Variants in OVCH1 observed in about 807,000 individuals in gnomAD.
OVCH1 encodes ovochymase-1.
Under a neutral mutation model 138.4 loss-of-function variants are expected in OVCH1, and 139 were observed. The observed-to-expected ratio is 1.00, with a 90% CI of 0.87 to 1.16. The LOEUF is 1.16. Ranked by LOEUF, OVCH1 falls within the 50% of genes most tolerant of loss-of-function variation. The pLI is 0.00. For synonymous variants in OVCH1, 453 were observed against 467.8 expected, an observed-to-expected ratio of 0.97 and a Z score of 0.41; for missense variants, 1,367 against 1,357.9, an observed-to-expected ratio of 1.01 and a Z score of -0.11.
At position 29,463,368 on chromosome 12, in the gene OVCH1, T is replaced by C. The variant is rs143833034; in HGVS notation, c.2125+1139A>G. Among the ~76,000 whole-genome samples the C allele has an allele frequency of 2.2e-3, 338 of 152,056 alleles. 5 individuals are homozygous for C. Among genetic ancestry groups the C allele is most frequent in the African/African-American group, 7.2e-3 (298 of 41,484 alleles). ...AGCTGTGACAAGATTGTAATAAGAG[T>C]GTTCCAAGTAGGAGGACACAAAATG... On this transcript the variant is annotated intron_variant, in intron 18 of 27. Transcript: ENST00000318184.
chr12:29,449,609 A>G (rs1163891248), intron 22 of OVCH1, among the ~76,000 whole-genome samples: 1 of 152,006 alleles, frequency 6.6e-6, no homozygotes, highest in Non-Finnish European at 1.5e-5. Context: ...TAGGTATTTT[A>G]TTATCTTTAT....
At chr12:29,433,683 C>T (rs1555142355) in intron 27 of OVCH1, 1 of 1,366,916 alleles carries the variant, frequency 7.3e-7, no homozygotes, top group Non-Finnish European at 9.7e-7. Context: ...TGTTGGTGGT[C>T]TGAATAATTC....
chr12:29,495,169 G>T, intron 4 of OVCH1, 116 bp downstream of exon 4: 5 of 1,058,298 alleles, frequency 4.7e-6, no homozygotes, highest in Non-Finnish European at 6.8e-6. Flanking sequence ...ATTTTAAAAA[G>T]AAACAAAGCT....
chr12:29,461,697 A>T, intron 19 of OVCH1, 157 bp downstream of exon 19: 1 of 945,004 alleles, frequency 1.1e-6, no homozygotes, highest in African/African-American at 1.6e-5. Flanking sequence ...GGATTAATTA[A>T]CTTATTACTT....
At chr12:29,475,775 G>A (rs1407336148) in intron 13 of OVCH1, among the ~76,000 whole-genome samples, 1 of 152,154 alleles carries the variant, frequency 6.6e-6, no homozygotes, top group Non-Finnish European at 1.5e-5. Context: ...AAATTGTTAG[G>A]TCACGATTAA....
At chr12:29,430,360 C>T (rs546480791) in intron 27 of OVCH1, among the ~76,000 whole-genome samples, 39 of 152,274 alleles carry the variant, frequency 2.6e-4, no homozygotes, top group South Asian at 8.3e-4. Flanking sequence ...AGGTGATAGG[C>T]GGGCCCCTAG....
At chr12:29,460,980 A>G (rs12812922) in intron 19 of OVCH1, among the ~76,000 whole-genome samples, 47,166 of 152,052 alleles carry the variant, frequency 0.31, 8,764 homozygotes, top group Middle Eastern at 0.52. Context: ...CCTCTCTCAT[A>G]TTTTCACATG....
intron 2 of OVCH1, 130 bp downstream of exon 2, chr12:29,496,426 T>G (rs1943418508): frequency 9.7e-6 from 11 of 1,136,128 alleles, no homozygotes; most frequent in Non-Finnish European, 1.1e-5. Context: ...TCCTACGAAG[T>G]AAACTTTTTG....
rs561844392 is a variant in OVCH1 at position 29,436,212 on chromosome 12, GAATCT to G, written c.3265-2404_3265-2400del. Among the ~76,000 whole-genome samples the G allele has an allele frequency of 1.6e-4, 24 of 151,986 alleles. No homozygotes were observed. In the South Asian group the frequency reaches 4.8e-3, roughly 30 times the overall value. ...TTTGGCCACTATAAAAATGCTGAAT[GAATCT>G]AGTGTGTTAACATCTCTGCACATAC... On this transcript the variant is annotated intron_variant, in intron 26 of 27. Coordinates refer to ENST00000318184, the Ensembl canonical transcript of OVCH1.
the OVCH1 span, among the ~76,000 whole-genome samples, chr12:29,405,466 A>G: frequency 6.6e-6 from 1 of 152,196 alleles, no homozygotes; most frequent in African/African-American, 2.4e-5. Flanking sequence ...TTCATCCTCT[A>G]GCACAAAAAG....
chr12:29,443,990 C>A (rs1219792214), intron 24 of OVCH1, among the ~76,000 whole-genome samples, 155 bp downstream of exon 24: 1 of 151,940 alleles, frequency 6.6e-6, no homozygotes, highest in Non-Finnish European at 1.5e-5. Context: ...TGTTTTGTTT[C>A]CATATTAAAA....
At chr12:29,406,755 G>A in the OVCH1 span, among the ~76,000 whole-genome samples, 936 of 142,718 alleles carry the variant, frequency 6.6e-3, 10 homozygotes, top group African/African-American at 0.023. Context: ...GAATAGTGCC[G>A]CAATAAACAT....
downstream of OVCH1, chr12:29,423,222 A>C (rs1389514463): frequency 2.2e-6 from 1 of 455,842 alleles, no homozygotes; most frequent in East Asian, 6.9e-5. Flanking sequence ...TCTCAGACTC[A>C]TCAGTCTTAA....
intron 26 of OVCH1, among the ~76,000 whole-genome samples, chr12:29,435,032 T>C (rs770671350): frequency 2.6e-5 from 4 of 152,234 alleles, no homozygotes; most frequent in Admixed American, 6.5e-5. Context: ...TAAAAAGTTA[T>C]TGCTGTCACC....
At chr12:29,457,549 G>A (rs777554012) in intron 19 of OVCH1, among the ~76,000 whole-genome samples, 33 of 151,384 alleles carry the variant, frequency 2.2e-4, no homozygotes, top group Non-Finnish European at 3.4e-4. Context: ...GACTACAGAC[G>A]CGCACCGTCA....
At chr12:29,436,293 T>TACAACTTTATGAACA (rs10658436) in intron 26 of OVCH1, among the ~76,000 whole-genome samples, 24 of 152,226 alleles carry the variant, frequency 1.6e-4, no homozygotes, top group African/African-American at 5.8e-4. Context: ...AGACACCCAG[T>TACAACTTTATGAACA]ACTTTATGAA....
downstream of OVCH1, among the ~76,000 whole-genome samples, chr12:29,424,020 G>GAC (rs1006178755): frequency 4.5e-4 from 68 of 152,172 alleles, no homozygotes; most frequent in African/African-American, 1.6e-3. Flanking sequence ...AGGAATTAAA[G>GAC]ACACACACAC....
chr12:29,473,175 G>C lies in OVCH1; in HGVS notation c.1601-72C>G, dbSNP rs1422169215. On this transcript the variant is annotated intron_variant, in intron 14 of 27. Transcript: ENST00000318184. ...CTAACTGACCCCACTTGCTTACCCT[G>C]GTAAATCATAAAACTACTCTACTGT... 6.5e-6 allele frequency: 7 copies of C among 1,068,834 alleles called. No homozygotes were observed. In the South Asian group the frequency reaches 9.7e-5, roughly 15 times the overall value. The allele number at this position is 1,068,834 out of a possible 1,614,324, so 66.2% of individuals were successfully genotyped here.
At chr12:29,464,764 T>G in intron 17 of OVCH1, 62 bp from the exon 18 acceptor site, 1 of 1,394,966 alleles carries the variant, frequency 7.2e-7, no homozygotes, top group African/African-American at 1.4e-5. Context: ...AGCAACTTCC[T>G]TGTTGATGGT....
Sources: gnomAD v4.1 joint callset for allele counts (sites outside exome capture counted in the v4.1 genomes callset) on GRCh38, gnomAD v4.1.1 for gene constraint, MANE v1.5 for transcripts, NCBI Gene and HGNC (gene_info 2026-07-23, HGNC 2026-07-21) for gene names.